RANBP2: variants seen among roughly 807,000 people sequenced by gnomAD.
The protein encoded by RANBP2 is RAN binding protein 2.
In RANBP2, 57 loss-of-function variants were observed where a neutral mutation model predicts 303.6. That is an observed-to-expected ratio of 0.19 (90% confidence interval 0.15 to 0.23). The LOEUF (loss-of-function observed/expected upper bound fraction) is 0.23. RANBP2 is among the 10% of genes least tolerant of loss of function. The pLI, the probability that RANBP2 is intolerant of heterozygous loss-of-function variation, is 1.00. For missense variants in RANBP2, 3,138 were observed against 3,780.8 expected (o/e 0.83, Z 4.46); for synonymous variants, 1,167 against 1,301.5 (o/e 0.90, Z 2.23).
At chr2:109,499,433 C>T in the RANBP2 span, among the ~76,000 whole-genome samples, 1 of 152,190 alleles carries the variant, frequency 6.6e-6, no homozygotes, top group Non-Finnish European at 1.5e-5. Flanking sequence ...GGTCCAACAC[C>T]CTGGTGGCCC....
the RANBP2 span, among the ~76,000 whole-genome samples, chr2:109,115,201 C>T: frequency 2.0e-5 from 3 of 152,082 alleles, no homozygotes; most frequent in African/African-American, 7.2e-5. Context: ...CTTTCTGTCT[C>T]GTTGATCTGT....
the RANBP2 span, among the ~76,000 whole-genome samples, chr2:109,035,110 A>G: frequency 5.3e-5 from 8 of 152,216 alleles, no homozygotes; most frequent in African/African-American, 1.9e-4. Context: ...AGCATGGTAC[A>G]CGTATGTTTT....
the RANBP2 span, among the ~76,000 whole-genome samples, chr2:109,134,016 A>G: frequency 1.3e-5 from 2 of 152,190 alleles, no homozygotes; most frequent in Admixed American, 6.5e-5. Flanking sequence ...GGTATCTGGA[A>G]GCTAGTTACC....
the RANBP2 span, among the ~76,000 whole-genome samples, chr2:109,222,791 A>G: frequency 6.6e-6 from 1 of 152,236 alleles, no homozygotes; most frequent in African/African-American, 2.4e-5. Context: ...TTGGTTTGCT[A>G]AAAGACAAAA....
At chr2:109,731,932 C>T in the RANBP2 span, among the ~76,000 whole-genome samples, 1 of 151,836 alleles carries the variant, frequency 6.6e-6, no homozygotes, top group East Asian at 1.9e-4. Context: ...ACCACAGCCT[C>T]CACCTCCCAG....
chr2:109,613,022 A>G, the RANBP2 span: 1 of 512,698 alleles, frequency 2.0e-6, no homozygotes, highest in Non-Finnish European at 3.6e-6. Context: ...GAAAACCACC[A>G]ATGTTTACTA....
At chr2:109,016,120 C>G in the RANBP2 span, among the ~76,000 whole-genome samples, 1 of 152,116 alleles carries the variant, frequency 6.6e-6, no homozygotes, top group Admixed American at 6.5e-5. Context: ...TTCGCTCTGT[C>G]GCCCAGGCTG....
At chr2:108,947,412 T>G in the RANBP2 span, among the ~76,000 whole-genome samples, 3 of 152,172 alleles carry the variant, frequency 2.0e-5, no homozygotes, top group Non-Finnish European at 4.4e-5. Flanking sequence ...ACAGCTCCAC[T>G]AGGCAGTGCC....
the RANBP2 span, chr2:109,449,227 G>T: frequency 1.2e-6 from 2 of 1,613,302 alleles, no homozygotes; most frequent in Middle Eastern, 1.7e-4. Context: ...TCACCCCTGC[G>T]CACCCAGAAC....
chr2:108,786,767 C>G, downstream of RANBP2: 1 of 1,484,880 alleles, frequency 6.7e-7, no homozygotes, highest in Non-Finnish European at 9.2e-7. Flanking sequence ...GGCCGCGTAG[C>G]GCCGCGGGTT....
chr2:109,219,063 C>G, the RANBP2 span, among the ~76,000 whole-genome samples: 12 of 152,102 alleles, frequency 7.9e-5, no homozygotes, highest in Non-Finnish European at 1.8e-4. Flanking sequence ...TTTAGCTGAC[C>G]TTAATTTGGA....
At chr2:109,657,714 G>GTTTTTTTTTTTTTTTTTTT in the RANBP2 span, among the ~76,000 whole-genome samples, 1 of 82,230 alleles carries the variant, frequency 1.2e-5, no homozygotes, top group Non-Finnish European at 2.2e-5. Context: ...AATTAGCTGA[G>GTTTTTTTTTTTTTTTTTTT]TTTTTTTTTT....
the RANBP2 span, among the ~76,000 whole-genome samples, chr2:109,686,359 G>A: frequency 3.1e-4 from 47 of 152,184 alleles, 1 homozygote; most frequent in African/African-American, 8.9e-4. Context: ...CTGCCGCCCA[G>A]GCTGGAGTGC....
chr2:109,215,543 TC>T, the RANBP2 span, among the ~76,000 whole-genome samples: 2 of 152,052 alleles, frequency 1.3e-5, no homozygotes, highest in Non-Finnish European at 2.9e-5. Flanking sequence ...CTATGTGGGT[TC>T]CTCTCGGGAG....
chr2:108,829,521 G>T, the RANBP2 span, among the ~76,000 whole-genome samples: 1 of 152,166 alleles, frequency 6.6e-6, no homozygotes, highest in East Asian at 1.9e-4. Flanking sequence ...CAAGGCAGGC[G>T]GGTCACTTGA....
chr2:108,958,899 A>G, the RANBP2 span, among the ~76,000 whole-genome samples: 1 of 152,238 alleles, frequency 6.6e-6, no homozygotes, highest in African/African-American at 2.4e-5. Flanking sequence ...GCAGGTGACA[A>G]CACAGTTCAT....
At chr2:109,342,510 C>G in the RANBP2 span, among the ~76,000 whole-genome samples, 19 of 152,330 alleles carry the variant, frequency 1.2e-4, no homozygotes, top group East Asian at 2.3e-3. Context: ...GACAAGTGCT[C>G]TCCTTGAAAG....
chr2:109,482,338 G>T, the RANBP2 span, among the ~76,000 whole-genome samples: 1 of 152,176 alleles, frequency 6.6e-6, no homozygotes, highest in African/African-American at 2.4e-5. Flanking sequence ...CATGAGGGAA[G>T]TGGGGCTAAG....
At chr2:109,449,031 C>T in the RANBP2 span, 1 of 998,628 alleles carries the variant, frequency 1.0e-6, no homozygotes, top group Non-Finnish European at 1.4e-6. Context: ...GTGAAGAGGC[C>T]AGGTCTGTCT....
Sources: allele counts gnomAD v4.1 joint callset (sites outside exome capture counted in the v4.1 genomes callset), GRCh38; gene constraint gnomAD v4.1.1; transcripts MANE v1.5; gene names NCBI Gene and HGNC (gene_info 2026-07-23, HGNC 2026-07-21).